Variants in EYS observed in about 807,000 individuals in gnomAD.
EYS encodes the protein protein eyes shut homolog.
EYS carries 250 observed loss-of-function variants against 282.1 expected under a neutral mutation model. The observed-to-expected ratio is 0.89, with a 90% confidence interval of 0.80 to 0.98. The LOEUF is 0.98. Among genes scored for constraint, EYS ranks in the 50% least tolerant of loss-of-function variants. The pLI is 0.00. For missense variants in EYS, 4,016 were observed against 3,709.0 expected (o/e 1.08, Z -2.15); for synonymous variants, 1,355 against 1,282.9 (o/e 1.06, Z -1.20).
intron 26 of EYS, among the ~76,000 whole-genome samples, chr6:64,560,613 C>T (rs1310686743): frequency 6.6e-6 from 1 of 152,004 alleles, no homozygotes; most frequent in South Asian, 2.1e-4. Flanking sequence ...TGAAGGTCAG[C>T]GCTCTGAAAT....
At chr6:65,421,992 AG>A (rs1767483722) in intron 5 of EYS, among the ~76,000 whole-genome samples, 1 of 151,986 alleles carries the variant, frequency 6.6e-6, no homozygotes, top group East Asian at 1.9e-4. Flanking sequence ...AATTACCAAA[AG>A]GTGACAGAGA....
intron 33 of EYS, among the ~76,000 whole-genome samples, chr6:64,014,204 A>G (rs1220924200): frequency 6.6e-6 from 1 of 152,164 alleles, no homozygotes; most frequent in Non-Finnish European, 1.5e-5. Context: ...TCACTTTACC[A>G]AAATTTAAAC....
chr6:64,776,419 C>A (rs1773678360), intron 22 of EYS, among the ~76,000 whole-genome samples: 1 of 152,098 alleles, frequency 6.6e-6, no homozygotes, highest in Admixed American at 6.6e-5. Flanking sequence ...CACTGTGCTG[C>A]AGGTTTTATA....
At chr6:63,956,033 C>G (rs534101377) in intron 35 of EYS, among the ~76,000 whole-genome samples, 1 of 152,324 alleles carries the variant, frequency 6.6e-6, no homozygotes, top group South Asian at 2.1e-4. Flanking sequence ...CACACCACCC[C>G]TAATCCAGCT....
intron 22 of EYS, among the ~76,000 whole-genome samples, chr6:64,679,424 C>G (rs1300867833): frequency 6.6e-6 from 1 of 152,100 alleles, no homozygotes; most frequent in Non-Finnish European, 1.5e-5. Flanking sequence ...TTTTTTCCCA[C>G]CAAGTCAACT....
At chr6:65,702,405 AGGTGGCCAGGTGC>A in intron 1 of EYS, among the ~76,000 whole-genome samples, 1 of 152,210 alleles carries the variant, frequency 6.6e-6, no homozygotes, top group Non-Finnish European at 1.5e-5. Flanking sequence ...AAAGCATATA[AGGTGGCCAGGTGC>A]GGTGGCTCAT....
intron 12 of EYS, among the ~76,000 whole-genome samples, chr6:65,126,348 CAAT>C (rs1285993293): frequency 6.6e-6 from 1 of 152,212 alleles, no homozygotes; most frequent in East Asian, 1.9e-4. Flanking sequence ...ATATCAGCAA[CAAT>C]AATAAATAGA....
At chr6:65,628,778 G>C (rs557607392) in intron 2 of EYS, among the ~76,000 whole-genome samples, 12 of 152,222 alleles carry the variant, frequency 7.9e-5, no homozygotes, top group Admixed American at 7.2e-4. Flanking sequence ...CTCCAGACGC[G>C]CCACCTTAAG....
At chr6:65,035,228 C>T (rs540046268) in intron 13 of EYS, among the ~76,000 whole-genome samples, 26 of 152,152 alleles carry the variant, frequency 1.7e-4, no homozygotes, top group African/African-American at 6.0e-4. Flanking sequence ...TACTAAGATC[C>T]ATCTATGACA....
At chr6:65,375,358 C>T (rs1441552820) in intron 8 of EYS, among the ~76,000 whole-genome samples, 5 of 152,038 alleles carry the variant, frequency 3.3e-5, no homozygotes, top group Admixed American at 1.3e-4. Context: ...AAAAGGATCC[C>T]CACACACAGA....
rs1181124842 is a variant in EYS at position 63,762,456 on chromosome 6, C to G, written c.8071+5G>C. 6.5e-7 allele frequency: 1 copy of G among 1,548,424 alleles called. No homozygotes were observed. Among genetic ancestry groups the G allele is most frequent in the Non-Finnish European group, 8.7e-7 (1 of 1,145,400 alleles). ...ACAGCAAAATGATTTGAAATTCTGC[C>G]TCACCTTGTTCACAGTAGATTCCAG... On this transcript the variant is annotated splice_donor_5th_base_variant and intron_variant, in intron 41 of 42. Coordinates refer to ENST00000503581, the MANE Select transcript of EYS (RefSeq NM_001142800.2).
chr6:64,510,848 A>G (rs558991384), intron 26 of EYS, among the ~76,000 whole-genome samples: 3 of 152,088 alleles, frequency 2.0e-5, no homozygotes, highest in Non-Finnish European at 4.4e-5. Flanking sequence ...TAGAACCTGC[A>G]CTGTTTCTCT....
intron 2 of EYS, among the ~76,000 whole-genome samples, chr6:65,546,803 T>A (rs1056099256): frequency 7.2e-5 from 11 of 152,014 alleles, no homozygotes; most frequent in African/African-American, 2.7e-4. Context: ...AATACTGACC[T>A]CAAGTGATCT....
intron 22 of EYS, among the ~76,000 whole-genome samples, chr6:64,702,860 G>C (rs1770838283): frequency 6.6e-6 from 1 of 152,046 alleles, no homozygotes; most frequent in Non-Finnish European, 1.5e-5. Context: ...AGGGAAATAA[G>C]TGTTTTGGAG....
chr6:63,862,004 C>T (rs1296466001), intron 36 of EYS, among the ~76,000 whole-genome samples: 7 of 152,168 alleles, frequency 4.6e-5, no homozygotes, highest in Non-Finnish European at 1.0e-4. Flanking sequence ...CCAAAAAGCC[C>T]AGCTTCTATC....
chr6:64,320,731 C>T (rs1334318321), intron 29 of EYS, among the ~76,000 whole-genome samples: 1 of 151,482 alleles, frequency 6.6e-6, no homozygotes, highest in African/African-American at 2.4e-5. Context: ...AAATTTTTTC[C>T]ATATTTAATC....
At chr6:64,031,546 G>A (rs1379470519) in intron 33 of EYS, among the ~76,000 whole-genome samples, 10 of 152,346 alleles carry the variant, frequency 6.6e-5, no homozygotes, top group Admixed American at 2.6e-4. Context: ...CTCCACCTGC[G>A]GCCCGGTGCA....
chr6:64,593,395 G>T (rs1357425624), intron 24 of EYS, 86 bp from the exon 25 acceptor site: 1 of 1,031,872 alleles, frequency 9.7e-7, no homozygotes. Context: ...AGATCCATTT[G>T]CATTTCCATA....
chr6:64,463,339 C>T (rs1775816876), intron 26 of EYS, among the ~76,000 whole-genome samples: 1 of 152,118 alleles, frequency 6.6e-6, no homozygotes, highest in Non-Finnish European at 1.5e-5. Flanking sequence ...GGTTTGTTAA[C>T]AATATAAGTT....
Sources: gnomAD v4.1 joint callset for allele counts (sites outside exome capture counted in the v4.1 genomes callset) on GRCh38, gnomAD v4.1.1 for gene constraint, MANE v1.5 for transcripts, NCBI Gene and HGNC (gene_info 2026-07-23, HGNC 2026-07-21) for gene names.